Variants in DISP1 observed in about 807,000 individuals in gnomAD.
DISP1 encodes the protein protein dispatched homolog 1.
Under a neutral mutation model 37.3 loss-of-function variants are expected in DISP1, and 30 were observed. The ratio of observed to expected loss-of-function variants is 0.80; its 90% CI spans 0.60 to 1.09. The LOEUF is 1.09. Ranked by LOEUF, DISP1 falls within the 50% of genes least tolerant of loss-of-function variation. The pLI is 0.00. For missense variants in DISP1, 1,598 were observed against 1,879.5 expected (o/e 0.85, Z 2.77); for synonymous variants, 634 against 690.2 (o/e 0.92, Z 1.28).
intron 3 of DISP1, among the ~76,000 whole-genome samples, chr1:222,953,444 C>A (rs1675373634): frequency 6.6e-6 from 1 of 152,162 alleles, no homozygotes; most frequent in Non-Finnish European, 1.5e-5. Flanking sequence ...AAATGACACA[C>A]CTCACACCAT....
chr1:222,885,354 C>A (rs1670530054), intron 1 of DISP1, among the ~76,000 whole-genome samples: 1 of 152,028 alleles, frequency 6.6e-6, no homozygotes, highest in Non-Finnish European at 1.5e-5. Context: ...GTTTTTGTGT[C>A]CGTTCCACAT....
intron 7 of DISP1, among the ~76,000 whole-genome samples, chr1:222,992,762 C>G (rs1412312232): frequency 6.6e-6 from 1 of 152,024 alleles, no homozygotes; most frequent in Non-Finnish European, 1.5e-5. Flanking sequence ...AACATCTGCC[C>G]TGTCGAAAGA....
chr1:222,982,937 C>CTT (rs1677942819), intron 3 of DISP1, 143 bp from the exon 4 acceptor site: 3 of 632,148 alleles, frequency 4.7e-6, no homozygotes, highest in Non-Finnish European at 5.3e-6. Flanking sequence ...AAATAGATTG[C>CTT]CTTTTTTTTT....
chr1:222,855,550 A>G (rs1029077564), intron 1 of DISP1, among the ~76,000 whole-genome samples: 1 of 152,178 alleles, frequency 6.6e-6, no homozygotes, highest in African/African-American at 2.4e-5. Context: ...ACTAGCAGAT[A>G]CAGCTATGCC....
chr1:222,928,596 AAT>A (rs1365883265), intron 2 of DISP1, 26 bp downstream of exon 2: 1 of 152,194 alleles, frequency 6.6e-6, no homozygotes, highest in African/African-American at 2.4e-5. Context: ...TTGCTGTGTG[AAT>A]ATGTGTGTGA....
At chr1:222,881,010 G>A (rs1033184013) in intron 1 of DISP1, among the ~76,000 whole-genome samples, 1 of 152,140 alleles carries the variant, frequency 6.6e-6, no homozygotes, top group African/African-American at 2.4e-5. Flanking sequence ...GCAGTGAGCT[G>A]TGATTGCACC....
chr1:222,892,187 G>A (rs1257642330), intron 1 of DISP1, among the ~76,000 whole-genome samples: 1 of 152,190 alleles, frequency 6.6e-6, no homozygotes, highest in African/African-American at 2.4e-5. Flanking sequence ...ACGTTTAGCA[G>A]TCAAGGCAGA....
intron 3 of DISP1, among the ~76,000 whole-genome samples, chr1:222,947,069 T>G (rs914537768): frequency 6.6e-6 from 1 of 152,230 alleles, no homozygotes; most frequent in Non-Finnish European, 1.5e-5. Flanking sequence ...GTATACAGTT[T>G]AGTGACATTA....
At chr1:222,981,457 G>A (rs1037689714) in intron 3 of DISP1, among the ~76,000 whole-genome samples, 6 of 152,148 alleles carry the variant, frequency 3.9e-5, no homozygotes, top group African/African-American at 9.7e-5. Flanking sequence ...AATCCATAAC[G>A]AGGGCATGTA....
At chr1:222,879,556 C>A (rs1024262166) in intron 1 of DISP1, among the ~76,000 whole-genome samples, 1 of 151,986 alleles carries the variant, frequency 6.6e-6, no homozygotes, top group African/African-American at 2.4e-5. Flanking sequence ...TGATTGTGTA[C>A]ATTTCTGTAG....
At chr1:222,969,700 A>T (rs1012042998) in intron 3 of DISP1, among the ~76,000 whole-genome samples, 1 of 152,022 alleles carries the variant, frequency 6.6e-6, no homozygotes, top group African/African-American at 2.4e-5. Context: ...ATCTAGTGTG[A>T]TCATAATTTT....
chr1:222,946,648 T>C (rs1558348352), intron 3 of DISP1, among the ~76,000 whole-genome samples: 1 of 152,044 alleles, frequency 6.6e-6, no homozygotes, highest in Admixed American at 6.6e-5. Context: ...AGCTATAAAC[T>C]AGTAGGAAGG....
intron 1 of DISP1, chr1:222,836,927 T>A (rs1572291421): frequency 2.5e-6 from 1 of 396,520 alleles, no homozygotes; most frequent in East Asian, 3.6e-5. Flanking sequence ...TAATAGGGAT[T>A]ATAATACCTA....
chr1:223,005,219 A>T lies in DISP1; in HGVS notation c.3822A>T (p.Pro1274=), dbSNP rs9441941. The part of the protein sequence containing the change: ...FFSLNQRCSC[P]DAYKHLNYGP... ...CTCTGAATCAGAGATGTAGCTGCCC[A>T]GATGCCTACAAACACTTGAACTATG... Residue 1274 remains proline, a synonymous_variant, in exon 9 of 9, where the codon CCA becomes CCT. Coordinates refer to ENST00000675850, the MANE Select transcript of DISP1 (RefSeq NM_001377229.1). 1.2e-6 allele frequency: 2 copies of T among 1,613,882 alleles called. No individual in the cohort carries two copies. The highest frequency in any genetic ancestry group is 1.7e-6 in the Non-Finnish European group (2 of 1,179,974).
intron 1 of DISP1, among the ~76,000 whole-genome samples, chr1:222,913,062 T>G (rs1446882969): frequency 1.3e-5 from 2 of 152,180 alleles, no homozygotes; most frequent in Non-Finnish European, 2.9e-5. Context: ...TTGAAAAAAC[T>G]TCTAATTAGA....
chr1:222,940,488 A>T (rs1468269908), intron 2 of DISP1, among the ~76,000 whole-genome samples: 1 of 152,204 alleles, frequency 6.6e-6, no homozygotes, highest in East Asian at 1.9e-4. Flanking sequence ...TGGGCAGGAC[A>T]CAGATCCAAA....
At chr1:222,957,430 A>G (rs1675689989) in intron 3 of DISP1, among the ~76,000 whole-genome samples, 1 of 152,098 alleles carries the variant, frequency 6.6e-6, no homozygotes, top group Admixed American at 6.6e-5. Context: ...CTCTACTAAA[A>G]ATACAAAAAT....
chr1:222,981,570 C>T (rs1386029771), intron 3 of DISP1, among the ~76,000 whole-genome samples: 2 of 152,090 alleles, frequency 1.3e-5, no homozygotes, highest in Non-Finnish European at 2.9e-5. Context: ...CCCTGTTTGT[C>T]TTGTTCATGG....
At chr1:222,837,634 C>T (rs1248164568) in intron 1 of DISP1, among the ~76,000 whole-genome samples, 1 of 151,928 alleles carries the variant, frequency 6.6e-6, no homozygotes, top group Non-Finnish European at 1.5e-5. Flanking sequence ...AAAATAAAAA[C>T]AAGGATTCTT....
Sources: gnomAD v4.1 joint callset for allele counts (sites outside exome capture counted in the v4.1 genomes callset) on GRCh38, gnomAD v4.1.1 for gene constraint, MANE v1.5 for transcripts, NCBI Gene and HGNC (gene_info 2026-07-23, HGNC 2026-07-21) for gene names.